Variants in FLT1 observed in about 807,000 individuals in gnomAD.
FLT1 encodes the protein fms related receptor tyrosine kinase 1.
FLT1 carries 49 observed loss-of-function variants against 156.3 expected under a neutral mutation model. That is an observed-to-expected ratio of 0.31 (90% CI 0.25 to 0.40). The LOEUF is 0.40. Ranked by LOEUF, FLT1 falls within the 10% of genes least tolerant of loss-of-function variation. The pLI is 1.00. For missense variants in FLT1, 1,322 were observed against 1,637.2 expected (o/e 0.81, Z 3.32); for synonymous variants, 594 against 583.8 (o/e 1.02, Z -0.25).
Position 28,457,933 on chromosome 13 carries a change from C to CTTTTTTTTTTT in FLT1, c.388+8959_388+8969dup, listed in dbSNP as rs894090277. On this transcript the variant is annotated intron_variant, in intron 3 of 29. Transcript: ENST00000282397. ...TTCTTTTCCTTTTTTCTTTCCTTTT[C>CTTTTTTTTTTT]TTTTTTTTTTTTTTTTTTTGTGATG... 3.5e-3 allele frequency among the ~76,000 whole-genome samples: 400 copies of CTTTTTTTTTTT among 114,146 alleles called. 13 individuals are homozygous for CTTTTTTTTTTT. Among genetic ancestry groups the CTTTTTTTTTTT allele is most frequent in the African/African-American group, 0.011 (304 of 26,712 alleles). 74.9% of individuals were successfully genotyped at this position (114,146 alleles called of 152,430 possible). A position where few individuals can be genotyped will look rare whatever the true frequency, so the allele number is the denominator to read the frequency against.
intron 14 of FLT1, among the ~76,000 whole-genome samples, chr13:28,366,283 C>G (rs535473189): frequency 2.0e-5 from 3 of 152,162 alleles, no homozygotes; most frequent in Non-Finnish European, 4.4e-5. Flanking sequence ...CCTTCATGAT[C>G]TGGCCCCTTC....
chr13:28,442,279 A>C (rs1349549529), intron 3 of FLT1, among the ~76,000 whole-genome samples: 1 of 152,186 alleles, frequency 6.6e-6, no homozygotes, highest in African/African-American at 2.4e-5. Flanking sequence ...AAATGGTTTA[A>C]TTCATTTAAC....
At chr13:28,464,052 A>G (rs1426172355) in intron 3 of FLT1, among the ~76,000 whole-genome samples, 3 of 152,222 alleles carry the variant, frequency 2.0e-5, no homozygotes, top group Admixed American at 6.5e-5. Context: ...AGGCTCTTCT[A>G]TGGTTACCAT....
intron 14 of FLT1, among the ~76,000 whole-genome samples, chr13:28,359,921 G>C (rs796420617): frequency 2.6e-5 from 4 of 152,224 alleles, no homozygotes; most frequent in African/African-American, 9.6e-5. Flanking sequence ...GACCAGCCTC[G>C]CCAACATGAT....
At chr13:28,378,867 A>G (rs796179832) in intron 14 of FLT1, among the ~76,000 whole-genome samples, 3 of 152,356 alleles carry the variant, frequency 2.0e-5, no homozygotes, top group African/African-American at 7.2e-5. Context: ...TAAACGCTCA[A>G]TAAATCTTAT....
Position 28,439,925 on chromosome 13 carries a change from T to C in FLT1, c.389-1580A>G, listed in dbSNP as rs1246969281. Among the ~76,000 whole-genome samples, 1 of 152,238 alleles carries C rather than the reference T, an allele frequency of 6.6e-6. No individual in the cohort carries two copies. Among genetic ancestry groups the C allele is most frequent in the Non-Finnish European group, 1.5e-5 (1 of 68,046 alleles). On this transcript the variant is annotated intron_variant, in intron 3 of 29. Transcript: ENST00000282397. This position sits in a 1 kb window ranked among gnomAD's most constrained non-coding sequence, Gnocchi z 4.1. ...CCAAAAAAGAAAAAAAAGTGGGCCA[T>C]TGCTGTAGCCTGCTGAAGATGGGAT...
At chr13:28,326,168 T>C (rs896148638) in intron 20 of FLT1, among the ~76,000 whole-genome samples, 1 of 152,238 alleles carries the variant, frequency 6.6e-6, no homozygotes, top group Non-Finnish European at 1.5e-5. Context: ...ATTTATTGAA[T>C]GTTTGACTGA....
intron 10 of FLT1, among the ~76,000 whole-genome samples, chr13:28,409,217 C>G (rs1045119656): frequency 1.3e-5 from 2 of 152,290 alleles, no homozygotes; most frequent in African/African-American, 4.8e-5. Context: ...TTTCTTGTAA[C>G]AGTGATGAAT....
chr13:28,340,507 A>T (rs1487563255), intron 16 of FLT1, among the ~76,000 whole-genome samples: 3 of 152,206 alleles, frequency 2.0e-5, no homozygotes, highest in Non-Finnish European at 4.4e-5. Flanking sequence ...GTCTGTGGGC[A>T]GACTCTTGGA....
chr13:28,454,791 T>C (rs8002172), intron 3 of FLT1, among the ~76,000 whole-genome samples: 10,268 of 152,154 alleles, frequency 0.067, 1,166 homozygotes, highest in African/African-American at 0.23. Flanking sequence ...TAGTAAAAGA[T>C]TATAGCAAGC....
Position 28,443,768 on chromosome 13 carries a change from T to C in FLT1, c.389-5423A>G, listed in dbSNP as rs143005292. On this transcript the variant is annotated intron_variant, in intron 3 of 29. Transcript: ENST00000282397. ...GTAATACTCAAGGAGAATGTACTGA[T>C]TGGTAAAATATTTTATTTGAAATAT... Among the ~76,000 whole-genome samples the C allele has an allele frequency of 3.5e-3, 536 of 152,292 alleles. 5 individuals are homozygous for C. Among genetic ancestry groups the C allele is most frequent in the African/African-American group, 0.012 (507 of 41,556 alleles).
chr13:28,328,933 C>T (rs1871807553), intron 19 of FLT1, among the ~76,000 whole-genome samples: 1 of 152,192 alleles, frequency 6.6e-6, no homozygotes, highest in Admixed American at 6.5e-5. Flanking sequence ...TCTGGCCTCC[C>T]CAGCCTTTAG....
At chr13:28,467,931 C>G (rs1240846577) in intron 1 of FLT1, among the ~76,000 whole-genome samples, 1 of 152,094 alleles carries the variant, frequency 6.6e-6, no homozygotes, top group East Asian at 1.9e-4. Context: ...AAATATATAA[C>G]TAGTTATAAT....
At chr13:28,378,578 A>G (rs1317117273) in intron 14 of FLT1, among the ~76,000 whole-genome samples, 1 of 152,090 alleles carries the variant, frequency 6.6e-6, no homozygotes, top group African/African-American at 2.4e-5. Flanking sequence ...CACTAACTCT[A>G]TGACCTGGGA....
chr13:28,405,184 T>G (rs1268543511), intron 11 of FLT1, among the ~76,000 whole-genome samples: 1 of 151,984 alleles, frequency 6.6e-6, no homozygotes, highest in Non-Finnish European at 1.5e-5. Context: ...CAAGCTTCAG[T>G]GGGGGTTAGG....
At chr13:28,375,531 T>A (rs748467181) in intron 14 of FLT1, among the ~76,000 whole-genome samples, 8 of 152,164 alleles carry the variant, frequency 5.3e-5, no homozygotes, top group African/African-American at 1.2e-4. Flanking sequence ...ACTTCATTAC[T>A]CTCCTTTCTT....
chr13:28,317,053 C>T (rs57363142), intron 25 of FLT1, among the ~76,000 whole-genome samples: 5 of 152,240 alleles, frequency 3.3e-5, no homozygotes, highest in Non-Finnish European at 7.3e-5. Flanking sequence ...AACCCCCTCA[C>T]GGGTGTTCTG....
intron 1 of FLT1, among the ~76,000 whole-genome samples, chr13:28,473,728 A>AGG (rs1314669931): frequency 3.4e-4 from 27 of 79,110 alleles, no homozygotes; most frequent in African/African-American, 1.1e-3. Flanking sequence ...GAAAGAAAGA[A>AGG]AGAAGGAAGG....
intron 18 of FLT1, among the ~76,000 whole-genome samples, chr13:28,333,494 AAC>A (rs1448856560): frequency 1.2e-4 from 19 of 152,354 alleles, no homozygotes; most frequent in African/African-American, 4.6e-4. Context: ...AGTATCTTTC[AAC>A]ACTAGAAAGA....
Sources: gnomAD v4.1 joint callset for allele counts (sites outside exome capture counted in the v4.1 genomes callset) on GRCh38, gnomAD v4.1.1 for gene constraint, Gnocchi (gnomAD v3.1) non-coding constraint, MANE v1.5 for transcripts, NCBI Gene and HGNC (gene_info 2026-07-23, HGNC 2026-07-21) for gene names.